The following CEP162 variants were observed in gnomAD, a reference collection of about 807,000 sequenced individuals.
CEP162 encodes centrosomal protein 162, also known as centrosomal protein of 162 kDa.
Under a neutral mutation model 169.2 loss-of-function variants are expected in CEP162, and 141 were observed. That is an observed-to-expected ratio of 0.83 (90% CI 0.73 to 0.96). The LOEUF (loss-of-function observed/expected upper bound fraction) is 0.96. Among genes scored for constraint, CEP162 ranks in the 40% least tolerant of loss-of-function variants. The pLI is 0.00. For synonymous variants in CEP162, 540 were observed against 526.4 expected (o/e 1.03, Z -0.35); for missense variants, 1,600 against 1,587.2 (o/e 1.01, Z -0.14).
Position 84,175,079 on chromosome 6 carries a change from T to A in CEP162, c.1798-125A>T, listed in dbSNP as rs181838446. The stretch of plus-strand genomic sequence containing the variant: ...TGTTCTATTATATAAGAAAATTAAC[T>A]GTTTAGTAAGAGTGATTACAGTATC... On this transcript the variant is annotated intron_variant, in intron 14 of 26. Coordinates refer to ENST00000403245, the MANE Select transcript of CEP162 (RefSeq NM_014895.4). 1.8e-3 allele frequency: 1,585 copies of A among 896,270 alleles called. 3 individuals are homozygous for A. The highest frequency in any genetic ancestry group is 2.3e-3 in the Non-Finnish European group (1,405 of 613,482). 55.5% of individuals were successfully genotyped at this position (896,270 alleles called of 1,614,324 possible). A position where few individuals can be genotyped will look rare whatever the true frequency, so the allele number is the denominator to read the frequency against.
At chr6:84,136,734 T>C (rs1049103080) in intron 25 of CEP162, among the ~76,000 whole-genome samples, 2 of 152,212 alleles carry the variant, frequency 1.3e-5, no homozygotes, top group African/African-American at 4.8e-5. Context: ...AAAAATGCTA[T>C]GAAGGTCTTA....
chr6:84,149,778 G>A (rs2099520421), intron 23 of CEP162, 75 bp from the exon 24 acceptor site: 2 of 1,277,820 alleles, frequency 1.6e-6, no homozygotes, highest in Middle Eastern at 2.0e-4. Flanking sequence ...CACAAAAACA[G>A]TAGAAGAAAC....
intron 25 of CEP162, among the ~76,000 whole-genome samples, chr6:84,144,403 T>A (rs1205628211): frequency 6.6e-6 from 1 of 152,074 alleles, no homozygotes; most frequent in South Asian, 2.1e-4. Flanking sequence ...GTCACAAAAA[T>A]AACCAAATTT....
chr6:84,219,401 C>T (rs2099552786), intron 3 of CEP162, among the ~76,000 whole-genome samples: 1 of 152,154 alleles, frequency 6.6e-6, no homozygotes, highest in African/African-American at 2.4e-5. Flanking sequence ...ATTATTAATA[C>T]CATCAATCAG....
At position 84,124,862 on chromosome 6, in the gene CEP162, G is replaced by C. The variant is rs2099508283; in HGVS notation, c.*208C>G. On this transcript the variant is annotated 3_prime_UTR_variant, in exon 27 of 27. Coordinates refer to ENST00000403245, the MANE Select transcript of CEP162 (RefSeq NM_014895.4). ...AAACTGTCCATAAATCACTTAAAAT[G>C]AGACTGGTTAATGATTTTTAGTAAA... 1 of 563,568 alleles carries C rather than the reference G, an allele frequency of 1.8e-6. No homozygotes were observed. The highest frequency in any genetic ancestry group is 1.9e-5 in the African/African-American group (1 of 51,614). 34.9% of individuals were successfully genotyped at this position (563,568 alleles called of 1,614,324 possible).
intron 18 of CEP162, among the ~76,000 whole-genome samples, chr6:84,164,746 G>A (rs1474808300): frequency 1.3e-5 from 2 of 151,888 alleles, no homozygotes; most frequent in Non-Finnish European, 2.9e-5. Flanking sequence ...CCTAATGCAG[G>A]TGGGGCTTAA....
chr6:84,219,205 A>G (rs1443089302), intron 3 of CEP162: 1 of 1,238,002 alleles, frequency 8.1e-7, no homozygotes, highest in Admixed American at 2.3e-5. Flanking sequence ...TTGCCTTTTC[A>G]TAATAATGCC....
intron 6 of CEP162, among the ~76,000 whole-genome samples, chr6:84,205,795 T>C (rs1448886464): frequency 2.0e-5 from 3 of 151,688 alleles, no homozygotes; most frequent in Admixed American, 6.5e-5. Flanking sequence ...TGTTTGCAGA[T>C]GACATGATTG....
At chr6:84,134,003 G>GT (rs1301659581) in intron 25 of CEP162, among the ~76,000 whole-genome samples, 2 of 152,280 alleles carry the variant, frequency 1.3e-5, no homozygotes, top group South Asian at 2.1e-4. Context: ...TCAGATGGGG[G>GT]TTTTTTCTAT....
At chr6:84,143,032 A>C (rs2099517336) in intron 25 of CEP162, among the ~76,000 whole-genome samples, 1 of 152,094 alleles carries the variant, frequency 6.6e-6, no homozygotes, top group African/African-American at 2.4e-5. Flanking sequence ...TTCAATAATT[A>C]CTATGTTTTA....
chr6:84,185,894 C>A lies in CEP162; in HGVS notation c.1401+438G>T, dbSNP rs9362032. Among the ~76,000 whole-genome samples the A allele has an allele frequency of 0.011, 1,734 of 152,118 alleles. 118 individuals carry two copies. In the East Asian group the frequency reaches 0.19, roughly 17 times the overall value. ...AAGTAGAATGTCTGAATCATGGGAA[C>A]TATAAAGCAGAAGAGATCAAGAATA... On this transcript the variant is annotated intron_variant, in intron 12 of 26. Coordinates refer to ENST00000403245, the MANE Select transcript of CEP162 (RefSeq NM_014895.4).
chr6:84,154,375 T>C (rs560835071), intron 22 of CEP162, among the ~76,000 whole-genome samples: 323 of 137,708 alleles, frequency 2.3e-3, no homozygotes, highest in African/African-American at 7.8e-3. Flanking sequence ...TATCTATCTA[T>C]CTACCTATCT....
At chr6:84,141,867 G>A (rs955392933) in intron 25 of CEP162, among the ~76,000 whole-genome samples, 6 of 151,972 alleles carry the variant, frequency 3.9e-5, no homozygotes, top group Admixed American at 6.6e-5. Context: ...CCTTAAGACT[G>A]TCCTGTGCTC....
At chr6:84,154,312 ATATCTATC>A (rs3837002) in intron 22 of CEP162, among the ~76,000 whole-genome samples, 4,280 of 150,050 alleles carry the variant, frequency 0.029, 187 homozygotes, top group African/African-American at 0.1. Context: ...GTTATCAGGG[ATATCTATC>A]TATCTATCTA....
chr6:84,192,103 C>G (rs2099540177), intron 11 of CEP162, among the ~76,000 whole-genome samples: 1 of 152,130 alleles, frequency 6.6e-6, no homozygotes, highest in East Asian at 1.9e-4. Flanking sequence ...ACCCCACTGA[C>G]CCACAAGGGA....
intron 25 of CEP162, among the ~76,000 whole-genome samples, chr6:84,132,507 C>T (rs2099512021): frequency 6.6e-6 from 1 of 152,220 alleles, no homozygotes; most frequent in African/African-American, 2.4e-5. Context: ...GGTCTTTTCA[C>T]ATAGTCCCAT....
intron 18 of CEP162, among the ~76,000 whole-genome samples, chr6:84,164,080 G>C (rs942069565): frequency 1.3e-5 from 2 of 151,442 alleles, no homozygotes; most frequent in Admixed American, 1.3e-4. Flanking sequence ...CATTTATGCG[G>C]TCAACAAACA....
intron 2 of CEP162, among the ~76,000 whole-genome samples, chr6:84,225,537 G>A (rs1172972950): frequency 6.6e-6 from 1 of 151,950 alleles, no homozygotes; most frequent in Non-Finnish European, 1.5e-5. Flanking sequence ...CACAGAACGT[G>A]GTATAACCAT....
chr6:84,204,181 A>C (rs928358847), intron 6 of CEP162, 85 bp from the exon 7 acceptor site: 9 of 747,108 alleles, frequency 1.2e-5, no homozygotes, highest in Non-Finnish European at 2.0e-5. Flanking sequence ...TTCGAAAGGA[A>C]GAAGTCTGTA....
Sources: gnomAD v4.1 joint callset for allele counts (sites outside exome capture counted in the v4.1 genomes callset) on GRCh38, gnomAD v4.1.1 for gene constraint, MANE v1.5 for transcripts, NCBI Gene and HGNC (gene_info 2026-07-23, HGNC 2026-07-21) for gene names.